PKIG: variants seen among roughly 807,000 people sequenced by gnomAD.
PKIG encodes the protein cAMP-dependent protein kinase inhibitor gamma, also known as protein kinase (cAMP-dependent, catalytic) inhibitor gamma.
PKIG carries 1 observed loss-of-function variant against 6.8 expected under a neutral mutation model. The ratio of observed to expected loss-of-function variants is 0.15; its 90% CI spans 0.05 to 0.69. The LOEUF is 0.69. Ranked by LOEUF, PKIG falls within the 30% of genes least tolerant of loss-of-function variation. PKIG has a pLI of 0.82. For synonymous variants in PKIG, 39 were observed against 43.0 expected (o/e 0.91, Z 0.36); for missense variants, 77 against 104.0 (o/e 0.74, Z 1.13).
At chr20:44,547,625 G>A (rs1404304169) in intron 1 of PKIG, among the ~76,000 whole-genome samples, 1 of 152,214 alleles carries the variant, frequency 6.6e-6, no homozygotes, top group Non-Finnish European at 1.5e-5. Flanking sequence ...CTCCTGCGTA[G>A]TTTGTGGGAG....
At chr20:44,561,515 C>G (rs1253337482) in intron 1 of PKIG, among the ~76,000 whole-genome samples, 1 of 152,084 alleles carries the variant, frequency 6.6e-6, no homozygotes, top group Non-Finnish European at 1.5e-5. Context: ...GAAAATTCTC[C>G]AGAATAAACC....
In PKIG at chr20:44,556,288, C is replaced by T. The variant is rs140262392; in HGVS notation, c.-241+24310C>T. 2.8e-3 allele frequency among the ~76,000 whole-genome samples: 433 copies of T among 152,280 alleles called. 2 individuals carry two copies. Among genetic ancestry groups the T allele is most frequent in the Admixed American group, 5.6e-3 (86 of 15,298 alleles). On this transcript the variant is annotated intron_variant, in intron 1 of 4. Transcript: ENST00000372887. ...GTTTGGCTTATATATCACATTATCC[C>T]ACATATGTTACAACCAAAACTTAAT...
intron 1 of PKIG, among the ~76,000 whole-genome samples, chr20:44,557,854 G>T (rs1423140014): frequency 6.6e-6 from 1 of 151,650 alleles, no homozygotes; most frequent in Non-Finnish European, 1.5e-5. Flanking sequence ...AAAAAAAGCT[G>T]TGGTGGAGTA....
chr20:44,546,067 C>G (rs1273195316), intron 1 of PKIG, among the ~76,000 whole-genome samples: 2 of 152,030 alleles, frequency 1.3e-5, no homozygotes, highest in East Asian at 3.9e-4. Flanking sequence ...CTGGGAAATA[C>G]AGCAAAACCC....
chr20:44,615,033 C>T (rs893153231), intron 3 of PKIG, among the ~76,000 whole-genome samples: 4 of 152,102 alleles, frequency 2.6e-5, no homozygotes, highest in Non-Finnish European at 4.4e-5. Flanking sequence ...CTTTAGCGGC[C>T]GGCTTCCCTG....
intron 2 of PKIG, among the ~76,000 whole-genome samples, chr20:44,612,326 C>T (rs1244387267): frequency 6.6e-6 from 1 of 152,028 alleles, no homozygotes. Context: ...AGTAAACATC[C>T]TCACACTAGA....
intron 2 of PKIG, among the ~76,000 whole-genome samples, chr20:44,613,655 C>T (rs1269099211): frequency 2.6e-5 from 4 of 152,190 alleles, no homozygotes; most frequent in African/African-American, 9.7e-5. Flanking sequence ...CTTGTTGGTT[C>T]GATTTCCAAG....
chr20:44,571,346 TA>T (rs1005965627), intron 1 of PKIG, among the ~76,000 whole-genome samples: 2 of 150,856 alleles, frequency 1.3e-5, no homozygotes. Context: ...TTTCCTAATG[TA>T]AAAAAAAAGT....
chr20:44,576,610 T>TA (rs2064900435), intron 1 of PKIG, among the ~76,000 whole-genome samples: 1 of 152,184 alleles, frequency 6.6e-6, no homozygotes, highest in African/African-American at 2.4e-5. Context: ...CACCAGGCTG[T>TA]ACTACCTCAG....
chr20:44,570,249 A>C (rs968170928), intron 1 of PKIG, among the ~76,000 whole-genome samples: 1 of 152,168 alleles, frequency 6.6e-6, no homozygotes, highest in Non-Finnish European at 1.5e-5. Context: ...CCAAAACGTA[A>C]ACTTGAACCT....
chr20:44,588,677 G>A (rs558068067), intron 1 of PKIG, among the ~76,000 whole-genome samples: 7 of 152,050 alleles, frequency 4.6e-5, no homozygotes, highest in African/African-American at 7.2e-5. Context: ...TATACCAAGA[G>A]TAAAGGAGGG....
At chr20:44,534,972 A>G (rs1036184011) in intron 1 of PKIG, among the ~76,000 whole-genome samples, 2 of 152,180 alleles carry the variant, frequency 1.3e-5, no homozygotes, top group Non-Finnish European at 2.9e-5. Context: ...CTGTGATATG[A>G]TTGTCTGCTG....
In PKIG at chr20:44,614,524, G is replaced by A; in HGVS notation, c.-23-10G>A. 1 of 1,608,942 alleles carries A rather than the reference G, an allele frequency of 6.2e-7. No homozygotes were observed. Among genetic ancestry groups the A allele is most frequent in the South Asian group, 1.1e-5 (1 of 90,720 alleles). ...ACTTACCTCTGCCCCCTTGCCTTCT[G>A]TCCCCACAGGCCTGAGGAGCGATGC... On this transcript the variant is annotated splice_polypyrimidine_tract_variant and intron_variant, in intron 2 of 3. Coordinates refer to ENST00000372886, the MANE Select transcript of PKIG (RefSeq NM_001281445.2). The surrounding 1 kb of genome is among the most constrained non-coding windows in gnomAD (Gnocchi z 4.6).
At chr20:44,535,265 A>C (rs1420882326) in intron 1 of PKIG, among the ~76,000 whole-genome samples, 2 of 152,118 alleles carry the variant, frequency 1.3e-5, no homozygotes, top group Non-Finnish European at 2.9e-5. Context: ...CAGAGTATTG[A>C]TACTGGAGAA....
intron 1 of PKIG, among the ~76,000 whole-genome samples, chr20:44,543,830 A>C (rs556569096): frequency 1.3e-3 from 199 of 152,294 alleles, no homozygotes; most frequent in South Asian, 5.2e-3. Context: ...TGGGAAGCCG[A>C]GGCGGGTGGA....
chr20:44,537,485 C>T (rs866566110), intron 1 of PKIG, among the ~76,000 whole-genome samples: 2 of 151,706 alleles, frequency 1.3e-5, no homozygotes, highest in African/African-American at 2.4e-5. Flanking sequence ...CTGCCTGCCT[C>T]GGCCTCCCAA....
At chr20:44,615,680 A>G (rs1377503125) in intron 3 of PKIG, among the ~76,000 whole-genome samples, 2 of 152,146 alleles carry the variant, frequency 1.3e-5, no homozygotes, top group Admixed American at 6.5e-5. Flanking sequence ...TCAGGCTGCA[A>G]CTGTCTCCCC....
chr20:44,593,884 T>A (rs1215377401), intron 2 of PKIG, among the ~76,000 whole-genome samples: 2 of 152,110 alleles, frequency 1.3e-5, no homozygotes, highest in Non-Finnish European at 2.9e-5. Context: ...CTGAAAAAAA[T>A]TTAAAGAATC....
In PKIG at chr20:44,618,792, T is replaced by C. The variant is rs1311608208; in HGVS notation, c.*428T>C. On this transcript the variant is annotated 3_prime_UTR_variant, in exon 4 of 4. Transcript: ENST00000372886. ...TGCTTGTCCCTTTTTTAGAAAACAC[T>C]TTTAAACTTTTTAAAAATTTTAAAC... The C allele has an allele frequency of 1.3e-5, 2 of 159,776 alleles. No individual in the cohort carries two copies. The highest frequency in any genetic ancestry group is 2.8e-5 in the Non-Finnish European group (2 of 72,138). 9.9% of individuals were successfully genotyped at this position (159,776 alleles called of 1,614,324 possible).
Sources: gnomAD v4.1 joint callset for allele counts (sites outside exome capture counted in the v4.1 genomes callset) on GRCh38, gnomAD v4.1.1 for gene constraint, Gnocchi (gnomAD v3.1) non-coding constraint, MANE v1.5 for transcripts, NCBI Gene and HGNC (gene_info 2026-07-23, HGNC 2026-07-21) for gene names.